The following CLCN3 variants were observed in gnomAD, a reference collection of about 807,000 sequenced individuals.
CLCN3 encodes the protein Cl-/H+ antiporter 3, also known as H(+)/Cl(-) exchange transporter 3.
CLCN3 carries 16 observed loss-of-function variants against 83.4 expected under a neutral mutation model. That is an observed-to-expected ratio of 0.19 (90% confidence interval 0.13 to 0.29). CLCN3 has a LOEUF of 0.29. Among genes scored for constraint, CLCN3 ranks in the 10% least tolerant of loss-of-function variants. The pLI, the probability that CLCN3 is intolerant of heterozygous loss-of-function variation, is 1.00. For synonymous variants in CLCN3, 322 were observed against 346.2 expected, an observed-to-expected ratio of 0.93 and a Z score of 0.78; for missense variants, 544 against 1,006.0, an observed-to-expected ratio of 0.54 and a Z score of 6.21.
chr4:169,653,362 GGGTGC>G (rs1237387838), intron 2 of CLCN3, among the ~76,000 whole-genome samples: 1 of 152,096 alleles, frequency 6.6e-6, no homozygotes, highest in Non-Finnish European at 1.5e-5. Context: ...GAGGTTGGCT[GGGTGC>G]GGTGGCTCAA....
intron 2 of CLCN3, among the ~76,000 whole-genome samples, chr4:169,644,269 CT>C (rs56979682): frequency 1.1e-3 from 148 of 135,892 alleles, no homozygotes; most frequent in Middle Eastern, 3.8e-3. Flanking sequence ...TTTTTTTTTT[CT>C]TTTTTTTTTT....
At chr4:169,691,859 T>C (rs1446297619) in intron 6 of CLCN3, among the ~76,000 whole-genome samples, 1 of 152,220 alleles carries the variant, frequency 6.6e-6, no homozygotes, top group Non-Finnish European at 1.5e-5. Context: ...CATTTTAACA[T>C]GGCCTGATAT....
At chr4:169,666,580 G>T (rs1235600100) in intron 2 of CLCN3, among the ~76,000 whole-genome samples, 1 of 152,206 alleles carries the variant, frequency 6.6e-6, no homozygotes, top group East Asian at 1.9e-4. Context: ...TGAAGGGTAA[G>T]ATTGTATTTA....
chr4:169,665,738 T>C (rs1024442155), intron 2 of CLCN3, among the ~76,000 whole-genome samples: 2 of 152,234 alleles, frequency 1.3e-5, no homozygotes, highest in Non-Finnish European at 2.9e-5. Flanking sequence ...ATATGTTTTA[T>C]GTGTGTCTTA....
At position 169,720,003 on chromosome 4, in the gene CLCN3, A is replaced by T; in HGVS notation, c.*6A>T. On this transcript the variant is annotated 3_prime_UTR_variant, in exon 13 of 13. Coordinates refer to ENST00000513761, the MANE Select transcript of CLCN3 (RefSeq NM_001829.4). ...CTTCAATAATGTTCAACTGAATCTC[A>T]CAGATGAGGAGAGAGAAGAAACGGA... The T allele has an allele frequency of 6.2e-7, 1 of 1,611,436 alleles. No individual in the cohort carries two copies. Among genetic ancestry groups the T allele is most frequent in the Middle Eastern group, 1.7e-4 (1 of 6,058 alleles).
At chr4:169,669,975 T>G (rs1227144432) in intron 2 of CLCN3, among the ~76,000 whole-genome samples, 2 of 152,240 alleles carry the variant, frequency 1.3e-5, no homozygotes, top group Admixed American at 1.3e-4. Flanking sequence ...GGTTGTTTGT[T>G]TTTTTCTTGT....
rs1482307638 is a variant in CLCN3 at position 169,720,223 on chromosome 4, C to T, written c.*226C>T. 6 of 624,418 alleles carry T rather than the reference C, an allele frequency of 9.6e-6. No homozygotes were observed. Among genetic ancestry groups the T allele is most frequent in the South Asian group, 4.2e-5 (2 of 47,858 alleles). The allele number at this position is 624,418 out of a possible 1,614,324, so 38.7% of individuals were successfully genotyped here. A position where few individuals can be genotyped will look rare whatever the true frequency, so the allele number is the denominator to read the frequency against. On this transcript the variant is annotated 3_prime_UTR_variant, in exon 13 of 13. Transcript: ENST00000513761. ...AGAAGGAAAGGAGTGAGGTATTTCC[C>T]GTCTAACAGAAAGCAGCGTATCAAC...
At chr4:169,652,368 G>T (rs1360015343) in intron 2 of CLCN3, among the ~76,000 whole-genome samples, 1 of 152,194 alleles carries the variant, frequency 6.6e-6, no homozygotes, top group Non-Finnish European at 1.5e-5. Context: ...GTTTTTGAAA[G>T]TTAAGTAAAT....
intron 1 of CLCN3, among the ~76,000 whole-genome samples, chr4:169,628,479 A>G (rs766432431): frequency 1.3e-5 from 2 of 152,246 alleles, no homozygotes; most frequent in Non-Finnish European, 1.5e-5. Context: ...CAGTCCAGCT[A>G]GAAAACGGAC....
At chr4:169,713,923 T>C (rs564738407) in intron 12 of CLCN3, among the ~76,000 whole-genome samples, 3 of 152,318 alleles carry the variant, frequency 2.0e-5, no homozygotes, top group African/African-American at 7.2e-5. Context: ...ATTGATAATT[T>C]ATTTTTCCAC....
intron 2 of CLCN3, among the ~76,000 whole-genome samples, chr4:169,670,080 C>T (rs1731400697): frequency 6.6e-6 from 1 of 152,146 alleles, no homozygotes; most frequent in South Asian, 2.1e-4. Flanking sequence ...GTTGCTTGTT[C>T]ATTCTGATGA....
In CLCN3 at chr4:169,709,055, C is replaced by T. The variant is rs978388228; in HGVS notation, c.2149+1789C>T. ...CATATCTATATATGAAAATTATGTA[C>T]GTAAATGTTAATTTATAATTAATTA... On this transcript the variant is annotated intron_variant, in intron 11 of 12. Transcript: ENST00000513761. Among the ~76,000 whole-genome samples, 12 of 146,904 alleles carry T rather than the reference C, an allele frequency of 8.2e-5. 1 individual carries two copies. The highest frequency in any genetic ancestry group is 4.2e-4 in the South Asian group (2 of 4,730).
Position 169,690,557 on chromosome 4 carries a change from A to G in CLCN3, c.634A>G (p.Ile212Val). 3 of 1,613,892 alleles carry G rather than the reference A, an allele frequency of 1.9e-6. No homozygotes were observed. Among genetic ancestry groups the G allele is most frequent in the African/African-American group, 1.3e-5 (1 of 75,060 alleles). ...TCCTGGTTCTTATATCATGAACTAC[A>G]TAATGTACATCTTCTGGGCCTTGAG... ...EGPGSYIMNY[I>V]MYIFWALSFA... Residue 212 changes from isoleucine to valine, a missense_variant, in exon 6 of 13, where the codon ATA (isoleucine) becomes GTA (valine). Ile to Val is a conservative substitution (Grantham distance 29, BLOSUM62 3). Coordinates refer to ENST00000513761, the MANE Select transcript of CLCN3 (RefSeq NM_001829.4).
Position 169,674,147 on chromosome 4 carries a change from CAT to C in CLCN3, c.161-5902_161-5901del, listed in dbSNP as rs148329051. Reference sequence around the variant, plus strand: ...TGGTCTAGGAGCTAATCCTGGAGCACATGTTACATCCTGTTGTTTTAATCTAG... The same window carrying C: ...TGGTCTAGGAGCTAATCCTGGAGCACGTTACATCCTGTTGTTTTAATCTAG... On this transcript the variant is annotated intron_variant, in intron 2 of 12. Coordinates refer to ENST00000513761, the MANE Select transcript of CLCN3 (RefSeq NM_001829.4). 9.7e-4 allele frequency among the ~76,000 whole-genome samples: 148 copies of C among 152,300 alleles called. 1 individual carries two copies. In the East Asian group the frequency reaches 0.025, roughly 25 times the overall value.
chr4:169,665,290 G>A (rs926283803), intron 2 of CLCN3, among the ~76,000 whole-genome samples: 2 of 152,194 alleles, frequency 1.3e-5, no homozygotes, highest in African/African-American at 4.8e-5. Flanking sequence ...TATTGCTGCT[G>A]CCTGGTTGTG....
At chr4:169,699,775 G>A (rs111543507) in intron 9 of CLCN3, among the ~76,000 whole-genome samples, 8,127 of 152,076 alleles carry the variant, frequency 0.053, 215 homozygotes, top group African/African-American at 0.068. Flanking sequence ...CCGGCTACTC[G>A]AGAGGCTGAG....
rs1287275230 is a variant in CLCN3 at position 169,704,262 on chromosome 4, T to C, written c.1750+78T>C. On this transcript the variant is annotated intron_variant, in intron 10 of 12. Coordinates refer to ENST00000513761, the MANE Select transcript of CLCN3 (RefSeq NM_001829.4). ...AAGAGAAAGTGGGACACATTCTTGC[T>C]TAATTGGTGGGCGGATTGGTTGAGT... 2.2e-6 allele frequency: 3 copies of C among 1,377,648 alleles called. No homozygotes were observed. In the African/African-American group the frequency reaches 4.3e-5, roughly 20 times the overall value. 85.3% of individuals were successfully genotyped at this position (1,377,648 alleles called of 1,614,324 possible).
intron 2 of CLCN3, among the ~76,000 whole-genome samples, chr4:169,668,043 A>ATTTTTTTTT (rs60739106): frequency 1.1e-4 from 9 of 82,334 alleles, no homozygotes; most frequent in Middle Eastern, 8.6e-3. Flanking sequence ...CCGGCCAGAC[A>ATTTTTTTTT]TTTTTTTTTT....
intron 3 of CLCN3, among the ~76,000 whole-genome samples, chr4:169,684,120 T>C (rs1341665044): frequency 2.0e-5 from 3 of 152,268 alleles, no homozygotes; most frequent in Non-Finnish European, 4.4e-5. Context: ...TTTTTTGTTA[T>C]GCTTGTAGCC....
Sources: gnomAD v4.1 joint callset for allele counts (sites outside exome capture counted in the v4.1 genomes callset) on GRCh38, gnomAD v4.1.1 for gene constraint, MANE v1.5 for transcripts, NCBI Gene and HGNC (gene_info 2026-07-23, HGNC 2026-07-21) for gene names.